The following ASIC2 variants were observed in gnomAD, a reference collection of about 807,000 sequenced individuals.
ASIC2 encodes the protein acid sensing ion channel subunit 2.
In ASIC2, 25 loss-of-function variants were observed where a neutral mutation model predicts 57.3. That is an observed-to-expected ratio of 0.44 (90% CI 0.32 to 0.61). ASIC2 has a LOEUF of 0.61. Ranked by LOEUF, ASIC2 falls within the 20% of genes least tolerant of loss-of-function variation. The probability of loss-of-function intolerance (pLI) is 0.06; values close to 1 mark genes in which losing one functional copy is unlikely to be tolerated. For synonymous variants in ASIC2, 319 were observed against 307.5 expected (o/e 1.04, Z -0.39); for missense variants, 641 against 738.1 (o/e 0.87, Z 1.52).
At chr17:33,738,960 C>G (rs1910012304) in intron 1 of ASIC2, among the ~76,000 whole-genome samples, 1 of 152,154 alleles carries the variant, frequency 6.6e-6, no homozygotes, top group South Asian at 2.1e-4. Flanking sequence ...GAAGAAAAGA[C>G]CAAAAGCATT....
chr17:33,291,729 G>A lies in ASIC2; in HGVS notation c.387C>T (p.Pro129=). 2 of 1,613,394 alleles carry A rather than the reference G, an allele frequency of 1.2e-6. No individual in the cohort carries two copies. The highest frequency in any genetic ancestry group is 1.7e-6 in the Non-Finnish European group (2 of 1,179,858). The change falls in exon 1 of 10, where the codon CCC becomes CCT. Residue 129 remains proline (P), a synonymous_variant. Transcript: ENST00000225823. ...RVHREWSRQL[P]FPAVTVCNNN... The stretch of plus-strand genomic sequence containing the variant: ...TGTTGCACACAGTGACGGCGGGGAA[G>A]GGTAACTGGCGGCTCCACTCGCGGT...
intron 1 of ASIC2, chr17:34,070,446 G>A (rs893311710): frequency 2.6e-5 from 4 of 152,218 alleles, no homozygotes; most frequent in Non-Finnish European, 4.4e-5. Flanking sequence ...AAACTCAGAG[G>A]AGGTTAAACC....
intron 1 of ASIC2, among the ~76,000 whole-genome samples, chr17:33,134,144 G>A (rs1361438563): frequency 6.6e-6 from 1 of 152,198 alleles, no homozygotes; most frequent in African/African-American, 2.4e-5. Context: ...ATATGCAAGT[G>A]CAAAACCTTG....
At chr17:33,487,401 G>C (rs140743446) in intron 1 of ASIC2, among the ~76,000 whole-genome samples, 1 of 152,314 alleles carries the variant, frequency 6.6e-6, no homozygotes, top group East Asian at 1.9e-4. Context: ...GCACAGTTAA[G>C]AGCACTGGCT....
chr17:33,690,276 G>C (rs1157912362), intron 1 of ASIC2, among the ~76,000 whole-genome samples: 1 of 152,192 alleles, frequency 6.6e-6, no homozygotes, highest in Non-Finnish European at 1.5e-5. Flanking sequence ...GTTCTGCAAA[G>C]TGGGCAGGAC....
intron 1 of ASIC2, among the ~76,000 whole-genome samples, chr17:33,177,533 G>T (rs776665017): frequency 1.2e-4 from 18 of 152,240 alleles, no homozygotes; most frequent in South Asian, 1.0e-3. Context: ...GGAGGTGGGT[G>T]CCCCAGCTTC....
At chr17:33,620,240 G>GAAAAAAAAAAA (rs35560840) in intron 1 of ASIC2, among the ~76,000 whole-genome samples, 4 of 74,900 alleles carry the variant, frequency 5.3e-5, no homozygotes, top group African/African-American at 9.2e-5. Context: ...AGAGGAAAAT[G>GAAAAAAAAAAA]AAAAAAAAAA....
At chr17:33,081,775 G>A (rs1298803943) in intron 3 of ASIC2, among the ~76,000 whole-genome samples, 1 of 152,156 alleles carries the variant, frequency 6.6e-6, no homozygotes, top group Non-Finnish European at 1.5e-5. Flanking sequence ...GGTGGGGTGA[G>A]GGATACTGTT....
chr17:34,082,744 A>G (rs1909937986), intron 1 of ASIC2, among the ~76,000 whole-genome samples: 1 of 152,222 alleles, frequency 6.6e-6, no homozygotes, highest in South Asian at 2.1e-4. Context: ...AACCTCTGAA[A>G]AATAGATCAT....
chr17:33,830,397 A>G (rs1386729646), intron 1 of ASIC2, among the ~76,000 whole-genome samples: 1 of 152,134 alleles, frequency 6.6e-6, no homozygotes, highest in Non-Finnish European at 1.5e-5. Flanking sequence ...TGGCATGAGC[A>G]TGATGTTAGC....
At chr17:33,550,525 G>T (rs1318295148) in intron 1 of ASIC2, among the ~76,000 whole-genome samples, 10 of 152,188 alleles carry the variant, frequency 6.6e-5, no homozygotes, top group Non-Finnish European at 1.5e-4. Flanking sequence ...AGTAGCAACT[G>T]CTTTAAAGCT....
intron 1 of ASIC2, among the ~76,000 whole-genome samples, chr17:33,136,110 C>A (rs1567758247): frequency 6.6e-6 from 1 of 152,220 alleles, no homozygotes; most frequent in Non-Finnish European, 1.5e-5. Context: ...TGTGCTTGTG[C>A]ATGTGTTCCC....
chr17:33,029,281 T>C (rs994877991), intron 3 of ASIC2, among the ~76,000 whole-genome samples: 2 of 152,250 alleles, frequency 1.3e-5, no homozygotes, highest in Non-Finnish European at 2.9e-5. Flanking sequence ...CCCTGTCCAA[T>C]CAGTCCCCAA....
At chr17:33,864,063 C>G (rs893809911) in intron 1 of ASIC2, among the ~76,000 whole-genome samples, 60 of 151,112 alleles carry the variant, frequency 4.0e-4, no homozygotes, top group Admixed American at 4.0e-3. Flanking sequence ...ACTATTATGC[C>G]CTGCTAATTT....
chr17:33,236,779 G>C (rs1398471562), intron 1 of ASIC2, among the ~76,000 whole-genome samples: 3 of 152,016 alleles, frequency 2.0e-5, no homozygotes, highest in African/African-American at 7.3e-5. Flanking sequence ...GAGAGAAATG[G>C]GCCACGTGTC....
intron 1 of ASIC2, among the ~76,000 whole-genome samples, chr17:33,256,027 A>G (rs567670071): frequency 6.8e-4 from 103 of 152,356 alleles, no homozygotes; most frequent in African/African-American, 2.5e-3. Flanking sequence ...AAAACGCATT[A>G]CAGATTCATA....
chr17:34,121,145 A>G (rs551161339), intron 1 of ASIC2, among the ~76,000 whole-genome samples: 1 of 152,320 alleles, frequency 6.6e-6, no homozygotes, highest in South Asian at 2.1e-4. Context: ...AGGAACTCCA[A>G]GGATCCCAGC....
chr17:33,505,313 A>T (rs1285060036), intron 1 of ASIC2, among the ~76,000 whole-genome samples: 1 of 152,060 alleles, frequency 6.6e-6, no homozygotes, highest in Non-Finnish European at 1.5e-5. Context: ...TTCAAGGACT[A>T]GGCAGGGAGT....
intron 1 of ASIC2, among the ~76,000 whole-genome samples, chr17:33,601,861 C>T (rs185761289): frequency 7.9e-4 from 121 of 152,370 alleles, no homozygotes; most frequent in African/African-American, 2.9e-3. Flanking sequence ...GCAGATTATT[C>T]TCCAGCTTTA....
Sources: gnomAD v4.1 joint callset for allele counts (sites outside exome capture counted in the v4.1 genomes callset) on GRCh38, gnomAD v4.1.1 for gene constraint, MANE v1.5 for transcripts, NCBI Gene and HGNC (gene_info 2026-07-23, HGNC 2026-07-21) for gene names.